The following FAT3 variants were observed in gnomAD, a reference collection of about 807,000 sequenced individuals.
FAT3 encodes the protein protocadherin Fat 3.
FAT3 carries 95 observed loss-of-function variants against 310.2 expected under a neutral mutation model. The observed-to-expected ratio is 0.31, with a 90% confidence interval of 0.26 to 0.36. The LOEUF (loss-of-function observed/expected upper bound fraction) is 0.36, where lower values mean the gene tolerates loss of function less well. Among genes scored for constraint, FAT3 ranks in the 10% least tolerant of loss-of-function variants. The pLI is 1.00. For missense variants in FAT3, 5,408 were observed against 5,715.6 expected (o/e 0.95, Z 1.74); for synonymous variants, 2,314 against 2,192.9 (o/e 1.06, Z -1.54).
At chr11:92,259,790 C>T (rs1027263341) in intron 1 of FAT3, among the ~76,000 whole-genome samples, 7 of 152,014 alleles carry the variant, frequency 4.6e-5, no homozygotes, top group Admixed American at 1.3e-4. Context: ...ACCAAAGGAC[C>T]GAACTTTCCC....
chr11:92,226,223 G>GC (rs747380607), intron 1 of FAT3, among the ~76,000 whole-genome samples: 9 of 152,280 alleles, frequency 5.9e-5, no homozygotes, highest in African/African-American at 1.9e-4. Context: ...AGTGCATCTG[G>GC]CCCCCCGGCT....
At chr11:92,412,078 G>A (rs571652429) in intron 2 of FAT3, among the ~76,000 whole-genome samples, 3 of 151,846 alleles carry the variant, frequency 2.0e-5, no homozygotes, top group South Asian at 2.1e-4. Context: ...GAGTAGATGG[G>A]CATCTTATCC....
intron 3 of FAT3, among the ~76,000 whole-genome samples, chr11:92,633,911 C>T (rs1057302226): frequency 1.1e-4 from 17 of 152,136 alleles, no homozygotes; most frequent in African/African-American, 4.1e-4. Context: ...TATCTGTTGT[C>T]TCTATGTACT....
At position 92,809,884 on chromosome 11, in the gene FAT3, C is replaced by A. The variant is rs1947620559; in HGVS notation, c.9289C>A (p.Pro3097Thr). The change falls in exon 13 of 28, where the codon CCC becomes ACC. Residue 3097 changes from proline (P) to threonine (T), a missense_variant. Around this residue, in one of 5 missense-constraint regions of FAT3, gnomAD observed 4,588 missense variants for 4,809.8 expected, o/e 0.95. Transcript: ENST00000525166. ...TLALLDRERI[P>T]VYSLMAKATD... ...GGCTCTGTTGGACCGGGAGAGGATCCCCGTGTACAGCCTGATGGCCAAGGC... is the reference window on the plus strand; with the variant it reads ...GGCTCTGTTGGACCGGGAGAGGATCACCGTGTACAGCCTGATGGCCAAGGC... 1 of 1,613,952 alleles carries A rather than the reference C, an allele frequency of 6.2e-7. No individual in the cohort carries two copies. The highest frequency in any genetic ancestry group is 8.5e-7 in the Non-Finnish European group (1 of 1,179,856).
In FAT3 at chr11:92,355,090, G is replaced by T. The variant is rs539020470; in HGVS notation, c.2978G>T (p.Arg993Leu). The change falls in exon 2 of 28, where the codon CGC becomes CTC. Residue 993 changes from arginine (R) to leucine (L), a missense_variant. This residue lies in a region of FAT3 where 4,588 missense variants were observed against 4,809.8 expected (regional missense o/e 0.95). Transcript: ENST00000525166. ...ATAGATAAAGCAAGTGGTGCCATCC[G>T]CTTGAGCAAAGAGCTTGATTATGAG... ...FEIDKASGAI[R>L]LSKELDYEKQ... is the part of the protein sequence containing the mutation. 2.5e-6 allele frequency: 4 copies of T among 1,613,570 alleles called. No homozygotes were observed. Among genetic ancestry groups the T allele is most frequent in the African/African-American group, 2.7e-5 (2 of 74,878 alleles).
chr11:92,603,575 A>G (rs1940133837), intron 3 of FAT3, among the ~76,000 whole-genome samples: 1 of 152,148 alleles, frequency 6.6e-6, no homozygotes, highest in African/African-American at 2.4e-5. Flanking sequence ...ATTTGGTTTT[A>G]TGTCTTTGTC....
At chr11:92,234,312 T>C (rs1258398927) in intron 1 of FAT3, among the ~76,000 whole-genome samples, 1 of 152,228 alleles carries the variant, frequency 6.6e-6, no homozygotes, top group Non-Finnish European at 1.5e-5. Flanking sequence ...ACGTTTTTGT[T>C]CAAATATATA....
At chr11:92,826,123 A>T (rs1948098338) in intron 13 of FAT3, among the ~76,000 whole-genome samples, 1 of 152,180 alleles carries the variant, frequency 6.6e-6, no homozygotes, top group Admixed American at 6.5e-5. Context: ...GTCCTTATTA[A>T]ATGGAAGTGT....
chr11:92,327,262 A>G (rs1007757202), intron 1 of FAT3, among the ~76,000 whole-genome samples: 1 of 151,998 alleles, frequency 6.6e-6, no homozygotes, highest in Non-Finnish European at 1.5e-5. Flanking sequence ...CAAAGCCAAG[A>G]GTCAGAGCCA....
intron 9 of FAT3, among the ~76,000 whole-genome samples, chr11:92,797,265 T>C (rs1191136672): frequency 1.3e-5 from 2 of 152,196 alleles, no homozygotes; most frequent in East Asian, 1.9e-4. Flanking sequence ...TTCACCAAAG[T>C]AGTGTTTTGG....
intron 2 of FAT3, among the ~76,000 whole-genome samples, chr11:92,393,189 T>C (rs1338467398): frequency 6.6e-6 from 1 of 152,254 alleles, no homozygotes; most frequent in East Asian, 1.9e-4. Context: ...AAGAGACCTA[T>C]GGAAGGCAGA....
chr11:92,365,000 C>CTATAATCCTAGCTCTTTG (rs1948979403), intron 2 of FAT3, among the ~76,000 whole-genome samples: 1 of 152,188 alleles, frequency 6.6e-6, no homozygotes, highest in African/African-American at 2.4e-5. Context: ...CAGCTCATGC[C>CTATAATCCTAGCTCTTTG]TATAATCCTA....
intron 3 of FAT3, among the ~76,000 whole-genome samples, chr11:92,692,417 G>A (rs1228730910): frequency 1.3e-5 from 2 of 152,104 alleles, no homozygotes; most frequent in East Asian, 3.9e-4. Context: ...GCCCTATTAG[G>A]GAAGACTGAC....
chr11:92,463,585 G>A (rs1951686760), intron 2 of FAT3, among the ~76,000 whole-genome samples: 1 of 152,078 alleles, frequency 6.6e-6, no homozygotes, highest in South Asian at 2.1e-4. Flanking sequence ...CCAATCAATG[G>A]TACCTATTTT....
At chr11:92,490,498 G>A (rs1479625060) in intron 2 of FAT3, among the ~76,000 whole-genome samples, 1 of 152,064 alleles carries the variant, frequency 6.6e-6, no homozygotes, top group Non-Finnish European at 1.5e-5. Flanking sequence ...AAAACATTGT[G>A]TATGAAAGGA....
At chr11:92,342,394 T>C (rs1948287659) in intron 1 of FAT3, among the ~76,000 whole-genome samples, 1 of 152,208 alleles carries the variant, frequency 6.6e-6, no homozygotes, top group African/African-American at 2.4e-5. Flanking sequence ...TATCTTCTGC[T>C]TTCGTATCTT....
rs1390835092 is a variant in FAT3, at chr11:92,837,778, C to T, written c.10340C>T (p.Thr3447Ile). 1.2e-6 allele frequency: 2 copies of T among 1,613,984 alleles called. No homozygotes were observed. The highest frequency in any genetic ancestry group is 2.2e-5 in the East Asian group (1 of 44,870). The part of the protein sequence containing the change: ...SDVNDNSPVF[T>I]PANYTAVIQE... ...GTGAATGACAACAGCCCGGTGTTTA[C>T]ACCTGCCAACTATACTGCTGTGATT... Residue 3447 changes from threonine to isoleucine, a missense_variant, in exon 17 of 28, where the codon ACA (threonine) becomes ATA (isoleucine). Thr to Ile is a moderately conservative substitution (Grantham distance 89). This residue lies in a region of FAT3 where 4,588 missense variants were observed against 4,809.8 expected (regional missense o/e 0.95). Transcript: ENST00000525166.
chr11:92,292,618 T>A (rs926295117), intron 1 of FAT3, among the ~76,000 whole-genome samples: 2 of 152,098 alleles, frequency 1.3e-5, no homozygotes, highest in African/African-American at 2.4e-5. Context: ...GAGGTTATAC[T>A]GCATATAGCA....
chr11:92,891,169 G>T lies in FAT3; in HGVS notation c.*56G>T, dbSNP rs1046112834. ...GTTACAGAAAAGTGGAAGCAGATTGGCTGGGCTTCTGTCCCAGTGGAGCAT... is the reference window on the plus strand; with the variant it reads ...GTTACAGAAAAGTGGAAGCAGATTGTCTGGGCTTCTGTCCCAGTGGAGCAT... On this transcript the variant is annotated 3_prime_UTR_variant, in exon 28 of 28. Coordinates refer to ENST00000525166, the MANE Select transcript of FAT3 (RefSeq NM_001367949.2). The T allele has an allele frequency of 3.2e-6, 5 of 1,582,550 alleles. No homozygotes were observed. Among genetic ancestry groups the T allele is most frequent in the African/African-American group, 1.3e-5 (1 of 74,658 alleles).
Sources: gnomAD v4.1 joint callset for allele counts (sites outside exome capture counted in the v4.1 genomes callset) on GRCh38, gnomAD v4.1.1 for gene constraint, gnomAD v4.1.1 regional missense constraint, MANE v1.5 for transcripts, NCBI Gene and HGNC (gene_info 2026-07-23, HGNC 2026-07-21) for gene names.